PTPRD: variants seen among roughly 807,000 people sequenced by gnomAD.
PTPRD encodes protein tyrosine phosphatase receptor type D, also known as receptor-type tyrosine-protein phosphatase delta.
Under a neutral mutation model 214.5 loss-of-function variants are expected in PTPRD, and 34 were observed. That is an observed-to-expected ratio of 0.16 (90% CI 0.12 to 0.21). The LOEUF (loss-of-function observed/expected upper bound fraction) is 0.21. Among genes scored for constraint, PTPRD ranks in the 10% least tolerant of loss-of-function variants. The probability of loss-of-function intolerance (pLI) is 1.00; values close to 1 mark genes in which losing one functional copy is unlikely to be tolerated. For synonymous variants in PTPRD, 1,128 were observed against 845.7 expected (o/e 1.33, Z -5.79); for missense variants, 2,545 against 2,398.7 (o/e 1.06, Z -1.27).
intron 7 of PTPRD, among the ~76,000 whole-genome samples, chr9:9,583,615 C>T (rs1453703450): frequency 1.3e-5 from 2 of 152,150 alleles, no homozygotes; most frequent in South Asian, 2.1e-4. Context: ...AATTGTAACT[C>T]CCAGCATAAT....
rs1478320875 is a variant in PTPRD, at chr9:10,427,073, T to G, written c.-599-86056A>C. Among the ~76,000 whole-genome samples the G allele has an allele frequency of 2.0e-5, 3 of 152,176 alleles. No individual in the cohort carries two copies. In the South Asian group the frequency reaches 6.2e-4, roughly 32 times the overall value. On this transcript the variant is annotated intron_variant, in intron 2 of 45. Transcript: ENST00000381196. Reference sequence around the variant, plus strand: ...TGGGGGGTATTGTTTTTCTTTTAATTTATTAATTACACTAATATGTATCAC... The same window carrying G: ...TGGGGGGTATTGTTTTTCTTTTAATGTATTAATTACACTAATATGTATCAC...
At chr9:9,096,414 C>A (rs531697385) in intron 10 of PTPRD, among the ~76,000 whole-genome samples, 2 of 152,062 alleles carry the variant, frequency 1.3e-5, no homozygotes, top group East Asian at 1.9e-4. Flanking sequence ...GAATGGAATG[C>A]GACATTTTGG....
chr9:8,990,617 C>T (rs1420596994), intron 11 of PTPRD, among the ~76,000 whole-genome samples: 1 of 152,130 alleles, frequency 6.6e-6, no homozygotes, highest in Non-Finnish European at 1.5e-5. Flanking sequence ...ACTAGAACTC[C>T]TTTTCCCCAA....
At chr9:9,359,262 T>A (rs184899660) in intron 9 of PTPRD, among the ~76,000 whole-genome samples, 4 of 151,452 alleles carry the variant, frequency 2.6e-5, no homozygotes, top group African/African-American at 7.2e-5. Context: ...TTAAGCTGCA[T>A]TAGTCTAAAT....
Position 9,205,525 on chromosome 9 carries a change from T to C in PTPRD, c.-202-22162A>G, listed in dbSNP as rs530022005. Among the ~76,000 whole-genome samples, 9 of 152,292 alleles carry C rather than the reference T, an allele frequency of 5.9e-5. No individual in the cohort carries two copies. In the East Asian group the frequency reaches 1.5e-3, roughly 26 times the overall value. On this transcript the variant is annotated intron_variant, in intron 9 of 45. Transcript: ENST00000381196. ...AAGTATGCCAAAATTCAAAACGTTT[T>C]CCCATAGAAACTTGAAAAACAAAGC...
intron 14 of PTPRD, among the ~76,000 whole-genome samples, chr9:8,558,496 C>G (rs7028030): frequency 0.15 from 22,380 of 152,090 alleles, 5,012 homozygotes; most frequent in African/African-American, 0.49. Context: ...TCCCAGAGAG[C>G]TGAAATAGCC....
At position 8,321,523 on chromosome 9, in the gene PTPRD, AT is replaced by A. The variant is rs1563892215; in HGVS notation, c.5535-1558del. Among the ~76,000 whole-genome samples the A allele has an allele frequency of 7.0e-3, 920 of 131,814 alleles. 11 individuals are homozygous for A. The highest frequency in any genetic ancestry group is 0.013 in the Middle Eastern group (3 of 238). 86.5% of individuals were successfully genotyped at this position (131,814 alleles called of 152,430 possible). A position where few individuals can be genotyped will look rare whatever the true frequency, so the allele number is the denominator to read the frequency against. ...TATATATATATATATATATATATAT[AT>A]ATAAAAGGTATATGCATCGCAATTC... On this transcript the variant is annotated intron_variant, in intron 44 of 45. Transcript: ENST00000381196.
chr9:9,335,938 A>C (rs998179479), intron 9 of PTPRD, among the ~76,000 whole-genome samples: 2 of 152,132 alleles, frequency 1.3e-5, no homozygotes, highest in African/African-American at 4.8e-5. Flanking sequence ...TTCCAATAAT[A>C]GGAGAGATCA....
At chr9:8,544,529 A>T (rs2014861) in intron 14 of PTPRD, among the ~76,000 whole-genome samples, 1 of 133,554 alleles carries the variant, frequency 7.5e-6, no homozygotes, top group Non-Finnish European at 1.5e-5. Context: ...AAGTGCAGGG[A>T]CGTGATCTCG....
In PTPRD at chr9:10,086,886, T is replaced by C. The variant is rs115560718; in HGVS notation, c.-544-53096A>G. Among the ~76,000 whole-genome samples the C allele has an allele frequency of 7.9e-3, 1,207 of 151,908 alleles. 10 individuals are homozygous for C. The highest frequency in any genetic ancestry group is 0.026 in the African/African-American group (1,096 of 41,506). On this transcript the variant is annotated intron_variant, in intron 3 of 45. Transcript: ENST00000381196. ...TATGTGCATCCATCTATAAAACTGA[T>C]CTATACAATTTAATGAATTAATACA...
At chr9:10,266,022 T>C (rs1051749330) in intron 3 of PTPRD, among the ~76,000 whole-genome samples, 1 of 152,146 alleles carries the variant, frequency 6.6e-6, no homozygotes, top group African/African-American at 2.4e-5. Context: ...TAAACTTATA[T>C]TAACTAGAAA....
intron 2 of PTPRD, among the ~76,000 whole-genome samples, chr9:10,418,213 A>T (rs1425093158): frequency 6.6e-6 from 1 of 151,916 alleles, no homozygotes; most frequent in Non-Finnish European, 1.5e-5. Flanking sequence ...CAATCTATTA[A>T]TGCAGCAAAA....
intron 7 of PTPRD, among the ~76,000 whole-genome samples, chr9:9,580,048 G>A (rs554527226): frequency 5.3e-5 from 8 of 152,100 alleles, no homozygotes; most frequent in East Asian, 1.9e-4. Context: ...TTTTATGGCC[G>A]AATAGTGTTC....
chr9:10,364,455 G>C (rs896920949), intron 2 of PTPRD, among the ~76,000 whole-genome samples: 1 of 152,096 alleles, frequency 6.6e-6, no homozygotes, highest in South Asian at 2.1e-4. Context: ...ATCTATGCAC[G>C]TAACAAAATT....
chr9:9,907,192 T>C (rs1566182019), intron 5 of PTPRD, among the ~76,000 whole-genome samples: 1 of 151,592 alleles, frequency 6.6e-6, no homozygotes, highest in Non-Finnish European at 1.5e-5. Context: ...GCAAACACAG[T>C]CTAATTAGGT....
chr9:10,432,713 A>C (rs2098691193), intron 2 of PTPRD, among the ~76,000 whole-genome samples: 1 of 151,972 alleles, frequency 6.6e-6, no homozygotes, highest in African/African-American at 2.4e-5. Flanking sequence ...GACAACGTTA[A>C]ATGTTTTATA....
intron 9 of PTPRD, among the ~76,000 whole-genome samples, chr9:9,236,661 C>A (rs1003239635): frequency 6.6e-6 from 1 of 151,010 alleles, no homozygotes; most frequent in South Asian, 2.1e-4. Context: ...GGTGTCAATT[C>A]ATTTGTGGTC....
intron 5 of PTPRD, among the ~76,000 whole-genome samples, chr9:9,830,177 C>T (rs2054339572): frequency 6.6e-6 from 1 of 151,180 alleles, no homozygotes; most frequent in Non-Finnish European, 1.5e-5. Context: ...TTTTGTGAAT[C>T]CAAAGTAAAA....
intron 10 of PTPRD, among the ~76,000 whole-genome samples, chr9:9,139,973 G>A (rs2099857292): frequency 6.6e-6 from 1 of 152,054 alleles, no homozygotes; most frequent in Non-Finnish European, 1.5e-5. Context: ...GAAATGGTGG[G>A]AATATCTAGT....
Sources: allele counts gnomAD v4.1 joint callset (sites outside exome capture counted in the v4.1 genomes callset), GRCh38; gene constraint gnomAD v4.1.1; transcripts MANE v1.5; gene names NCBI Gene and HGNC (gene_info 2026-07-23, HGNC 2026-07-21).